Variants in NKD2 observed in about 807,000 individuals in gnomAD.
The protein encoded by NKD2 is protein naked cuticle homolog 2.
NKD2 carries 43 observed loss-of-function variants against 34.8 expected under a neutral mutation model. The observed-to-expected ratio is 1.24, with a 90% CI of 0.97 to 1.60. The LOEUF is 1.60. Among genes scored for constraint, NKD2 ranks in the 40% most tolerant of loss-of-function variants. The pLI, the probability that NKD2 is intolerant of heterozygous loss-of-function variation, is 0.00. For missense variants in NKD2, 675 were observed against 627.1 expected (o/e 1.08, Z -0.82); for synonymous variants, 278 against 265.1 (o/e 1.05, Z -0.47).
chr5:1,033,987 A>C (rs569008880), intron 5 of NKD2: 354 of 572,790 alleles, frequency 6.2e-4, no homozygotes, highest in Non-Finnish European at 9.4e-4. Flanking sequence ...GAGCTGAGAT[A>C]GGTGTCACTG....
chr5:1,037,671 G>A (rs1734061218), intron 9 of NKD2, 134 bp from the exon 10 acceptor site: 3 of 1,536,774 alleles, frequency 2.0e-6, no homozygotes, highest in Non-Finnish European at 2.6e-6. Flanking sequence ...CCGTCTGACT[G>A]CAGACTTGGC....
intron 8 of NKD2, chr5:1,035,827 G>A: frequency 2.7e-6 from 1 of 372,968 alleles, no homozygotes; most frequent in Non-Finnish European, 4.9e-6. Context: ...GAGGGTGGCT[G>A]GGGCAGTGGT....
intron 3 of NKD2, among the ~76,000 whole-genome samples, chr5:1,031,717 G>T (rs1411707949): frequency 6.6e-6 from 1 of 152,178 alleles, no homozygotes; most frequent in Non-Finnish European, 1.5e-5. Flanking sequence ...TAAGAGGCAT[G>T]TTGGGGTCCT....
intron 8 of NKD2, 64 bp from the exon 9 acceptor site, chr5:1,036,193 C>T (rs1012042812): frequency 3.4e-6 from 5 of 1,449,830 alleles, no homozygotes; most frequent in Non-Finnish European, 4.6e-6. Context: ...TGTAGGCACC[C>T]CGTCATCAGG....
chr5:1,036,250 C>T lies in NKD2; in HGVS notation c.660-7C>T, dbSNP rs779012308. ...GGGGGTCAGGCCCTTCTCTGTGCTC[C>T]AAGCAGGAGGCCCAGTACTGACCCC... On this transcript the variant is annotated splice_polypyrimidine_tract_variant and splice_region_variant and intron_variant, in intron 8 of 9. Coordinates refer to ENST00000296849, the MANE Select transcript of NKD2 (RefSeq NM_033120.4). 4.4e-6 allele frequency: 7 copies of T among 1,589,128 alleles called. No individual in the cohort carries two copies. In the South Asian group the frequency reaches 8.0e-5, roughly 18 times the overall value.
At chr5:1,020,596 C>T (rs949782033) in intron 3 of NKD2, among the ~76,000 whole-genome samples, 1 of 151,814 alleles carries the variant, frequency 6.6e-6, no homozygotes. Flanking sequence ...GAGTCCCTCT[C>T]TCCAAGCGTG....
chr5:1,028,083 C>T (rs189533152), intron 3 of NKD2, among the ~76,000 whole-genome samples: 1 of 152,318 alleles, frequency 6.6e-6, no homozygotes, highest in African/African-American at 2.4e-5. Context: ...CTCTCCGTGC[C>T]TGGCCGCCTG....
chr5:1,034,360 A>G (rs1733711443), intron 6 of NKD2, 30 bp downstream of exon 6: 3 of 1,534,346 alleles, frequency 2.0e-6, no homozygotes, highest in East Asian at 2.3e-5. Flanking sequence ...CGTCAGGTCC[A>G]CAGTAGTAGA....
At chr5:1,018,087 G>A (rs558180424) in intron 3 of NKD2, among the ~76,000 whole-genome samples, 9 of 152,144 alleles carry the variant, frequency 5.9e-5, no homozygotes, top group Admixed American at 5.2e-4. Context: ...CCTGGAGGAC[G>A]GGACGGTAGC....
Position 1,027,487 on chromosome 5 carries a change from C to T in NKD2, c.142-4665C>T, listed in dbSNP as rs77171380. On this transcript the variant is annotated intron_variant, in intron 3 of 9. Transcript: ENST00000296849. Reference sequence around the variant, plus strand: ...CTGAAGCCTTCCTCTCTGTCTCTCTCCTCCCTCCCCGCTCCCTCTCCTCTG... The same window carrying T: ...CTGAAGCCTTCCTCTCTGTCTCTCTTCTCCCTCCCCGCTCCCTCTCCTCTG... 7.2e-4 allele frequency among the ~76,000 whole-genome samples: 110 copies of T among 152,314 alleles called. 1 individual carries two copies. In the East Asian group the frequency reaches 0.019, roughly 26 times the overall value.
At position 1,010,305 on chromosome 5, in the gene NKD2, T is replaced by A. The variant is rs554423203; in HGVS notation, c.141+745T>A. On this transcript the variant is annotated intron_variant, in intron 3 of 9. Coordinates refer to ENST00000296849, the MANE Select transcript of NKD2 (RefSeq NM_033120.4). ...TGGTCATCAGTGTCAGTGTGAACTGTATCGGTGCAGACAGCCCCACCAGGT... is the reference window on the plus strand; with the variant it reads ...TGGTCATCAGTGTCAGTGTGAACTGAATCGGTGCAGACAGCCCCACCAGGT... Among the ~76,000 whole-genome samples the A allele has an allele frequency of 5.3e-5, 8 of 152,288 alleles. No homozygotes were observed. In the East Asian group the frequency reaches 1.5e-3, roughly 29 times the overall value.
Position 1,037,641 on chromosome 5 carries a change from C to T in NKD2, c.788-164C>T, listed in dbSNP as rs748155432. On this transcript the variant is annotated intron_variant, in intron 9 of 9. Coordinates refer to ENST00000296849, the MANE Select transcript of NKD2 (RefSeq NM_033120.4). ...CAGGTCACCCACAGTGGCCAGGCCCCTTCCCTTCAGGGCTGGTGGCCGTCT... is the reference window on the plus strand; with the variant it reads ...CAGGTCACCCACAGTGGCCAGGCCCTTTCCCTTCAGGGCTGGTGGCCGTCT... The T allele has an allele frequency of 4.1e-5, 63 of 1,535,902 alleles. No homozygotes were observed. In the South Asian group the frequency reaches 6.8e-4, roughly 17 times the overall value.
rs558596899 is a variant in NKD2, at chr5:1,032,025, A to C, written c.142-127A>C. 827 of 720,386 alleles carry C rather than the reference A, an allele frequency of 1.1e-3. 3 individuals are homozygous for C. Among genetic ancestry groups the C allele is most frequent in the Middle Eastern group, 4.4e-3 (12 of 2,734 alleles). 44.6% of individuals were successfully genotyped at this position (720,386 alleles called of 1,614,324 possible). On this transcript the variant is annotated intron_variant, in intron 3 of 9. Coordinates refer to ENST00000296849, the MANE Select transcript of NKD2 (RefSeq NM_033120.4). Reference sequence around the variant, plus strand: ...GAAGGGTTGGTGTTTCTGGACCCAGAGATTGAGACGCCCCAGGAGGCCTGA... The same window carrying C: ...GAAGGGTTGGTGTTTCTGGACCCAGCGATTGAGACGCCCCAGGAGGCCTGA...
intron 3 of NKD2, 41 bp from the exon 4 acceptor site, chr5:1,032,111 A>G (rs775385521): frequency 6.4e-7 from 1 of 1,558,700 alleles, no homozygotes; most frequent in South Asian, 1.1e-5. Flanking sequence ...CCGCCTGCCC[A>G]CTGAGCTATG....
In NKD2 at chr5:1,009,465, C is replaced by T. The variant is rs898732146; in HGVS notation, c.62-16C>T. The T allele has an allele frequency of 2.0e-6, 3 of 1,491,144 alleles. No individual in the cohort carries two copies. Among genetic ancestry groups the T allele is most frequent in the Non-Finnish European group, 2.7e-6 (3 of 1,127,454 alleles). The allele number at this position is 1,491,144 out of a possible 1,614,324, so 92.4% of individuals were successfully genotyped here. A position where few individuals can be genotyped will look rare whatever the true frequency, so the allele number is the denominator to read the frequency against. ...CCTCGGTGCGGGTTTCCCGCGCGTC[C>T]GCCCCCGGACCGCAGGGGACAGCTT... On this transcript the variant is annotated splice_polypyrimidine_tract_variant and intron_variant, in intron 2 of 9. Coordinates refer to ENST00000296849, the MANE Select transcript of NKD2 (RefSeq NM_033120.4). This position sits in a 1 kb window ranked among gnomAD's most constrained non-coding sequence, Gnocchi z 6.9.
At chr5:1,028,333 G>C (rs1231991149) in intron 3 of NKD2, among the ~76,000 whole-genome samples, 1 of 152,236 alleles carries the variant, frequency 6.6e-6, no homozygotes, top group Non-Finnish European at 1.5e-5. Flanking sequence ...CCGTGTGACA[G>C]ACGCCTGCTG....
Position 1,018,049 on chromosome 5 carries a change from A to G in NKD2, c.141+8489A>G, listed in dbSNP as rs112487848. On this transcript the variant is annotated intron_variant, in intron 3 of 9. Transcript: ENST00000296849. Reference sequence around the variant, plus strand: ...CCAGAGGCTTCCAGGCTGGGCAGCCACTGCAAAGGCCCTGAGGCAGGAGTA... The same window carrying G: ...CCAGAGGCTTCCAGGCTGGGCAGCCGCTGCAAAGGCCCTGAGGCAGGAGTA... 3.3e-3 allele frequency among the ~76,000 whole-genome samples: 506 copies of G among 152,188 alleles called. 6 individuals carry two copies. Among genetic ancestry groups the G allele is most frequent in the African/African-American group, 0.012 (485 of 41,506 alleles).
chr5:1,035,349 AGGAG>A lies in NKD2; in HGVS notation c.575-31_575-28del, dbSNP rs765157787. 26 of 1,452,384 alleles carry A rather than the reference AGGAG, an allele frequency of 1.8e-5. No homozygotes were observed. The South Asian group carries it at 2.7e-4, about 15-fold the overall frequency. 90.0% of individuals were successfully genotyped at this position (1,452,384 alleles called of 1,614,324 possible). On this transcript the variant is annotated intron_variant, in intron 7 of 9. Transcript: ENST00000296849. Reference sequence around the variant, plus strand: ...GAATGAATGAGTGAATGCTGAATGAAGGAGGGAGGGAGTGAGTAATGGCAGGACC... The same window carrying A: ...GAATGAATGAGTGAATGCTGAATGAAGGAGGGAGTGAGTAATGGCAGGACC...
At chr5:1,013,350 C>T (rs552232675) in intron 3 of NKD2, among the ~76,000 whole-genome samples, 2 of 152,306 alleles carry the variant, frequency 1.3e-5, no homozygotes, top group East Asian at 1.9e-4. Context: ...TTTTTGGTGC[C>T]CTCTGTGTGC....
Sources: gnomAD v4.1 joint callset for allele counts (sites outside exome capture counted in the v4.1 genomes callset) on GRCh38, gnomAD v4.1.1 for gene constraint, Gnocchi (gnomAD v3.1) non-coding constraint, MANE v1.5 for transcripts, NCBI Gene and HGNC (gene_info 2026-07-23, HGNC 2026-07-21) for gene names.